Variants in TSC22D1 observed in about 807,000 individuals in gnomAD.
TSC22D1 encodes TSC22 domain family protein 1.
TSC22D1 carries 9 observed loss-of-function variants against 74.2 expected under a neutral mutation model. The observed-to-expected ratio is 0.12, with a 90% CI of 0.07 to 0.21. The LOEUF (loss-of-function observed/expected upper bound fraction) is 0.21. TSC22D1 is among the 10% of genes least tolerant of loss of function. The pLI is 1.00. For missense variants in TSC22D1, 1,427 were observed against 1,304.7 expected (o/e 1.09, Z -1.44); for synonymous variants, 586 against 492.5 (o/e 1.19, Z -2.51).
chr13:44,575,043 A>G lies in TSC22D1; in HGVS notation c.1032T>C (p.Pro344=), dbSNP rs1884108362. The change falls in exon 1 of 3, where the codon CCT becomes CCC. Residue 344 remains proline (P), a synonymous_variant. Transcript: ENST00000458659. The part of the protein sequence containing the change: ...GNVNISTSNI[P]SAAGVSVGPG... Reference sequence around the variant, plus strand: ...GCCCAACACTCACACCAGCAGCACTAGGAATATTGCTTGTACTTATATTAA... The same window carrying G: ...GCCCAACACTCACACCAGCAGCACTGGGAATATTGCTTGTACTTATATTAA... The G allele has an allele frequency of 1.9e-6, 3 of 1,614,184 alleles. No homozygotes were observed. The East Asian group carries it at 6.7e-5, about 36-fold the overall frequency.
chr13:44,485,048 TAA>T (rs1409309188), intron 1 of TSC22D1, among the ~76,000 whole-genome samples: 1 of 152,152 alleles, frequency 6.6e-6, no homozygotes, highest in Admixed American at 6.5e-5. Flanking sequence ...GAGTAGTACA[TAA>T]AGAGTCAATA....
chr13:44,560,937 G>A (rs1351956732), intron 1 of TSC22D1, among the ~76,000 whole-genome samples: 1 of 152,114 alleles, frequency 6.6e-6, no homozygotes, highest in Non-Finnish European at 1.5e-5. Context: ...ACATGCCTCA[G>A]AATCCCATTT....
intron 1 of TSC22D1, among the ~76,000 whole-genome samples, chr13:44,566,226 G>A (rs1335118798): frequency 6.6e-6 from 1 of 151,792 alleles, no homozygotes; most frequent in Admixed American, 6.6e-5. Context: ...TTTATAAGAA[G>A]TAAAAACGGC....
intron 1 of TSC22D1, among the ~76,000 whole-genome samples, chr13:44,496,544 G>T (rs1253698097): frequency 6.6e-6 from 1 of 152,012 alleles, no homozygotes; most frequent in Non-Finnish European, 1.5e-5. Flanking sequence ...AATTAGCCAG[G>T]CGTGGTGGCA....
rs752604118 is a variant in TSC22D1, at chr13:44,480,298, AT to A, written c.2913-44204del. 3.9e-4 allele frequency among the ~76,000 whole-genome samples: 59 copies of A among 152,234 alleles called. No individual in the cohort carries two copies. The East Asian group carries it at 4.6e-3, about 12-fold the overall frequency. On this transcript the variant is annotated intron_variant, in intron 1 of 2. Coordinates refer to ENST00000458659, the MANE Select transcript of TSC22D1 (RefSeq NM_183422.4). ...AAATCAATTTTCTTATGGTTTTGGC[AT>A]TTTTTTAAGACAACAGGGTAATGCT...
intron 1 of TSC22D1, among the ~76,000 whole-genome samples, chr13:44,506,798 T>G (rs962229935): frequency 1.3e-5 from 2 of 152,052 alleles, no homozygotes; most frequent in African/African-American, 4.8e-5. Context: ...CACAGATAAT[T>G]TAAAGAGGTC....
At chr13:44,502,149 T>G (rs1879250130) in intron 1 of TSC22D1, among the ~76,000 whole-genome samples, 1 of 152,200 alleles carries the variant, frequency 6.6e-6, no homozygotes, top group Non-Finnish European at 1.5e-5. Context: ...AAGAATCTTT[T>G]TTCTATGTGT....
At chr13:44,444,509 T>TA (rs1208166204) in intron 1 of TSC22D1, among the ~76,000 whole-genome samples, 1 of 151,532 alleles carries the variant, frequency 6.6e-6, no homozygotes, top group Non-Finnish European at 1.5e-5. Context: ...ATGTTAACAA[T>TA]AAAAGAAAGC....
intron 1 of TSC22D1, among the ~76,000 whole-genome samples, chr13:44,457,847 T>C (rs1290722591): frequency 4.6e-5 from 7 of 152,144 alleles, no homozygotes; most frequent in African/African-American, 1.7e-4. Flanking sequence ...GCAAAAAGAA[T>C]TTCCAGCAGT....
rs191604360 is a variant in TSC22D1, at chr13:44,440,494, C to T, written c.2913-4399G>A. On this transcript the variant is annotated intron_variant, in intron 1 of 2. Transcript: ENST00000458659. ...TAATCCCAGCTACTGGGGAGGCTGA[C>T]GAAGAATTGCTTGAACCCAGGAGGC... 1.2e-3 allele frequency among the ~76,000 whole-genome samples: 175 copies of T among 145,206 alleles called. 1 individual carries two copies. The highest frequency in any genetic ancestry group is 4.3e-3 in the African/African-American group (166 of 38,898).
Position 44,576,262 on chromosome 13 carries a change from T to C in TSC22D1, c.-188A>G, listed in dbSNP as rs1884238124. ...CGAGAGCGAGCTTCGGAAAGGAGGA[T>C]GAACGAGGGTGAACAGGGCGGCCGG... On this transcript the variant is annotated 5_prime_UTR_variant, in exon 1 of 3. Transcript: ENST00000458659. 2 of 805,730 alleles carry C rather than the reference T, an allele frequency of 2.5e-6. No homozygotes were observed. The highest frequency in any genetic ancestry group is 1.9e-6 in the Non-Finnish European group (1 of 533,138). 49.9% of individuals were successfully genotyped at this position (805,730 alleles called of 1,614,324 possible).
chr13:44,550,491 A>G (rs940673112), intron 1 of TSC22D1, among the ~76,000 whole-genome samples: 1 of 151,718 alleles, frequency 6.6e-6, no homozygotes, highest in African/African-American at 2.4e-5. Context: ...CTGAGGAAGG[A>G]GAATTGCCTG....
chr13:44,470,605 T>C (rs1445979932), intron 1 of TSC22D1, among the ~76,000 whole-genome samples: 1 of 152,308 alleles, frequency 6.6e-6, no homozygotes, highest in South Asian at 2.1e-4. Flanking sequence ...ACCTTTACGA[T>C]ACTGGTGTTT....
intron 1 of TSC22D1, among the ~76,000 whole-genome samples, chr13:44,513,721 A>G (rs1458229763): frequency 6.6e-6 from 1 of 152,244 alleles, no homozygotes; most frequent in Non-Finnish European, 1.5e-5. Context: ...ATCCAACTAC[A>G]GTCACCATAA....
intron 1 of TSC22D1, among the ~76,000 whole-genome samples, chr13:44,560,391 T>C (rs1384808672): frequency 6.6e-6 from 1 of 152,228 alleles, no homozygotes; most frequent in African/African-American, 2.4e-5. Context: ...ACTTAGTACC[T>C]AATATGTCAT....
chr13:44,436,446 GTATTAT>G (rs1305783069), intron 1 of TSC22D1: 1 of 1,575,822 alleles, frequency 6.3e-7, no homozygotes, highest in Non-Finnish European at 8.7e-7. Flanking sequence ...TCTTTCACCT[GTATTAT>G]TATAAGTATC....
chr13:44,503,084 A>G (rs1253530820), intron 1 of TSC22D1, among the ~76,000 whole-genome samples: 1 of 152,240 alleles, frequency 6.6e-6, no homozygotes, highest in African/African-American at 2.4e-5. Flanking sequence ...ACTAGCTTAC[A>G]TGATATAAGC....
intron 1 of TSC22D1, among the ~76,000 whole-genome samples, chr13:44,494,167 G>A (rs569453984): frequency 6.6e-6 from 1 of 152,056 alleles, no homozygotes; most frequent in South Asian, 2.1e-4. Context: ...CTTGAGGTCA[G>A]GAGTTTGAGA....
Position 44,434,772 on chromosome 13 carries a change from G to A in TSC22D1, c.3076C>T (p.Leu1026=). Residue 1026 remains leucine (L), a synonymous_variant, in exon 3 of 3, where the codon CTG becomes TTG. Coordinates refer to ENST00000458659, the MANE Select transcript of TSC22D1 (RefSeq NM_183422.4). The part of the protein sequence containing the change: ...KNSQLEQENN[L]LKTLASPEQL... ...TCAGGACTGGCCAGTGTCTTCAGCA[G>A]ATTGTTCTCCTGCTCCAGCTGGGAA... 1.2e-6 allele frequency: 2 copies of A among 1,614,090 alleles called. No individual in the cohort carries two copies. The highest frequency in any genetic ancestry group is 1.7e-6 in the Non-Finnish European group (2 of 1,180,042).
Sources: allele counts gnomAD v4.1 joint callset (sites outside exome capture counted in the v4.1 genomes callset), GRCh38; gene constraint gnomAD v4.1.1; transcripts MANE v1.5; gene names NCBI Gene and HGNC (gene_info 2026-07-23, HGNC 2026-07-21).